The following HERC2 variants were observed in gnomAD, a reference collection of about 807,000 sequenced individuals.
HERC2 encodes the protein HECT and RLD domain containing E3 ubiquitin protein ligase 2.
In HERC2, 102 loss-of-function variants were observed where a neutral mutation model predicts 537.7. That is an observed-to-expected ratio of 0.19 (90% CI 0.16 to 0.22). The LOEUF (loss-of-function observed/expected upper bound fraction) is 0.22. Ranked by LOEUF, HERC2 falls within the 10% of genes least tolerant of loss-of-function variation. The pLI is 1.00. For synonymous variants in HERC2, 2,224 were observed against 2,466.2 expected, an observed-to-expected ratio of 0.90 and a Z score of 2.91; for missense variants, 4,236 against 6,198.2, an observed-to-expected ratio of 0.68 and a Z score of 10.63.
chr15:28,283,338 A>G (rs2076074950), intron 4 of HERC2, among the ~76,000 whole-genome samples: 1 of 152,264 alleles, frequency 6.6e-6, no homozygotes, highest in South Asian at 2.1e-4. Context: ...ACTATCGTGC[A>G]TTAACAAGTC....
At chr15:28,186,504 T>A in intron 56 of HERC2, 73 bp downstream of exon 56, 1 of 1,224,258 alleles carries the variant, frequency 8.2e-7, no homozygotes, top group Non-Finnish European at 1.2e-6. Context: ...TCTAATTAAA[T>A]GTTTCCTTTC....
At chr15:28,296,982 A>G (rs2076487015) in intron 3 of HERC2, among the ~76,000 whole-genome samples, 4 of 152,218 alleles carry the variant, frequency 2.6e-5, no homozygotes, top group Admixed American at 2.6e-4. Context: ...TCTCAGTATT[A>G]CAGGTGTTTG....
chr15:28,178,315 A>G (rs1166470081), intron 59 of HERC2, among the ~76,000 whole-genome samples: 2 of 152,142 alleles, frequency 1.3e-5, no homozygotes, highest in Non-Finnish European at 2.9e-5. Context: ...CTAGTCTAAG[A>G]CCATCTTCCC....
intron 5 of HERC2, among the ~76,000 whole-genome samples, chr15:28,276,335 C>T (rs928921828): frequency 2.0e-5 from 3 of 151,922 alleles, no homozygotes; most frequent in African/African-American, 7.3e-5. Context: ...AATAATGCAC[C>T]GGGAGCTCAG....
At chr15:28,225,720 G>GA (rs1189268563) in intron 35 of HERC2, among the ~76,000 whole-genome samples, 1 of 140,696 alleles carries the variant, frequency 7.1e-6, no homozygotes, top group African/African-American at 2.7e-5. Flanking sequence ...AAAAAAGAAA[G>GA]AAAAAAAAGA....
At position 28,268,392 on chromosome 15, in the gene HERC2, T is replaced by C; in HGVS notation, c.1598+73A>G. 2 of 1,431,768 alleles carry C rather than the reference T, an allele frequency of 1.4e-6. No homozygotes were observed. The highest frequency in any genetic ancestry group is 3.7e-5 in the Admixed American group (2 of 54,306). The allele number at this position is 1,431,768 out of a possible 1,614,324, so 88.7% of individuals were successfully genotyped here. On this transcript the variant is annotated intron_variant, in intron 12 of 92. Transcript: ENST00000261609. This position sits in a 1 kb window ranked among gnomAD's most constrained non-coding sequence, Gnocchi z 4.7. ...ATTGGAAAACACCTGGACACACTTC[T>C]GCGCTCCATCCTGTTTAGGATATGG...
chr15:28,174,898 T>C (rs1596128187), intron 64 of HERC2, among the ~76,000 whole-genome samples: 1 of 152,068 alleles, frequency 6.6e-6, no homozygotes, highest in African/African-American at 2.4e-5. Context: ...ACACAGAAGG[T>C]CCTCTCTCTA....
At chr15:28,188,905 T>C (rs1346711920) in intron 55 of HERC2, among the ~76,000 whole-genome samples, 1 of 152,014 alleles carries the variant, frequency 6.6e-6, no homozygotes, top group African/African-American at 2.4e-5. Flanking sequence ...CTGGCCAACA[T>C]GACAAAACCC....
At chr15:28,140,703 G>A (rs572628817) in intron 78 of HERC2, among the ~76,000 whole-genome samples, 16 of 151,580 alleles carry the variant, frequency 1.1e-4, no homozygotes, top group Non-Finnish European at 1.6e-4. Context: ...TGTATTTTTC[G>A]TAGAGACAGG....
chr15:28,111,146 CAGAA>C lies in HERC2; in HGVS notation c.*613_*616del, dbSNP rs1161820682. Reference sequence around the variant, plus strand: ...ATGATAGAAGTTATGATGCTGTTCACAGAAAGGCCTCAATTCAGATGACATAATG... The same window carrying C: ...ATGATAGAAGTTATGATGCTGTTCACAGGCCTCAATTCAGATGACATAATG... On this transcript the variant is annotated 3_prime_UTR_variant, in exon 93 of 93. Transcript: ENST00000261609. 1 of 152,496 alleles carries C rather than the reference CAGAA, an allele frequency of 6.6e-6. No individual in the cohort carries two copies. Among genetic ancestry groups the C allele is most frequent in the Non-Finnish European group, 1.5e-5 (1 of 68,254 alleles). The allele number at this position is 152,496 out of a possible 1,614,324, so 9.4% of individuals were successfully genotyped here.
Position 28,144,018 on chromosome 15 carries a change from G to A in HERC2, c.11300-27C>T, listed in dbSNP as rs759548631. On this transcript the variant is annotated intron_variant, in intron 73 of 92. Transcript: ENST00000261609. Reference sequence around the variant, plus strand: ...TGAAATGAGCAGAGAGAAAGTATCAGAAGTCTGATGGTTTCTTCCAAGCAG... The same window carrying A: ...TGAAATGAGCAGAGAGAAAGTATCAAAAGTCTGATGGTTTCTTCCAAGCAG... The A allele has an allele frequency of 1.9e-6, 3 of 1,614,062 alleles. No homozygotes were observed. In the East Asian group the frequency reaches 6.7e-5, roughly 36 times the overall value.
At chr15:28,274,138 A>G (rs903566543) in intron 7 of HERC2, among the ~76,000 whole-genome samples, 153 bp downstream of exon 7, 10 of 152,220 alleles carry the variant, frequency 6.6e-5, no homozygotes, top group African/African-American at 2.4e-4. Flanking sequence ...AAAAGCTGAG[A>G]ACCCAGACCC....
chr15:28,256,144 C>G lies in HERC2; in HGVS notation c.2691G>C (p.Leu897=), dbSNP rs1388434242. Residue 897 remains leucine, a synonymous_variant, in exon 18 of 93, where the codon CTG becomes CTC. Coordinates refer to ENST00000261609, the MANE Select transcript of HERC2 (RefSeq NM_004667.6). ...GGGCCCGCTCCTCCGCGGTGGGCAG[C>G]AGCACGGACCAGCCACTCTGCAGCA... is the stretch of plus-strand genomic sequence containing the variant. ...QAVLQSGWSV[L]LPTAEERARA... 6.2e-7 allele frequency: 1 copy of G among 1,600,908 alleles called. No homozygotes were observed. The highest frequency in any genetic ancestry group is 2.2e-5 in the East Asian group (1 of 44,854).
rs756221917 is a variant in HERC2 at position 28,270,784 on chromosome 15, G to A, written c.1168C>T (p.Arg390Ter). Residue 390 changes from arginine (R) to a stop codon, truncating the protein, a stop_gained, in exon 10 of 93, where the codon CGA becomes TGA. Coordinates refer to ENST00000261609, the MANE Select transcript of HERC2 (RefSeq NM_004667.6). LOFTEE classifies it high-confidence loss of function. ...PQDNELAIDL[R>*]QTAVVVMAHL... Reference sequence around the variant, plus strand: ...GCCATGACAACAACCGCCGTTTGTCGCAGATCAATGGCAAGCTCGTTGTCT... The same window carrying A: ...GCCATGACAACAACCGCCGTTTGTCACAGATCAATGGCAAGCTCGTTGTCT... 6.2e-7 allele frequency: 1 copy of A among 1,613,914 alleles called. No individual in the cohort carries two copies. The highest frequency in any genetic ancestry group is 8.5e-7 in the Non-Finnish European group (1 of 1,179,824).
In HERC2 at chr15:28,198,564, A is replaced by C. The variant is rs1382027909; in HGVS notation, c.7885+37T>G. The C allele has an allele frequency of 4.3e-6, 7 of 1,609,562 alleles. No homozygotes were observed. The African/African-American group carries it at 8.0e-5, about 18-fold the overall frequency. On this transcript the variant is annotated intron_variant, in intron 49 of 92. Transcript: ENST00000261609. ...TTCATTTAAGGGAATTTTGTCTCTAAGAAAAAACAAAAGCACTGAACAAAG... is the reference window on the plus strand; with the variant it reads ...TTCATTTAAGGGAATTTTGTCTCTACGAAAAAACAAAAGCACTGAACAAAG...
chr15:28,227,199 C>T (rs1217504502), intron 35 of HERC2, among the ~76,000 whole-genome samples: 4 of 151,952 alleles, frequency 2.6e-5, no homozygotes, highest in African/African-American at 7.2e-5. Context: ...CGCTTGAACC[C>T]GGGAGGCGGA....
chr15:28,225,445 C>T (rs1901025941), intron 35 of HERC2, among the ~76,000 whole-genome samples: 1 of 151,972 alleles, frequency 6.6e-6, no homozygotes, highest in Non-Finnish European at 1.5e-5. Flanking sequence ...CGCCTGTAAT[C>T]CCAGCACTTT....
chr15:28,292,823 T>C, intron 4 of HERC2, 65 bp downstream of exon 4: 1 of 1,493,500 alleles, frequency 6.7e-7, no homozygotes, highest in Non-Finnish European at 9.1e-7. Context: ...TAAGAATCCA[T>C]CCAAGTTATT....
intron 69 of HERC2, among the ~76,000 whole-genome samples, chr15:28,155,208 T>C (rs1025114106): frequency 9.2e-5 from 14 of 152,266 alleles, no homozygotes; most frequent in African/African-American, 3.4e-4. Context: ...CTATTGTGAA[T>C]AGTGCCACAA....
Sources: gnomAD v4.1 joint callset for allele counts (sites outside exome capture counted in the v4.1 genomes callset) on GRCh38, gnomAD v4.1.1 for gene constraint, Gnocchi (gnomAD v3.1) non-coding constraint, MANE v1.5 for transcripts, NCBI Gene and HGNC (gene_info 2026-07-23, HGNC 2026-07-21) for gene names.